The following EFCAB5 variants were observed in gnomAD, a reference collection of about 807,000 sequenced individuals.
The protein encoded by EFCAB5 is EF-hand calcium-binding domain-containing protein 5.
EFCAB5 carries 131 observed loss-of-function variants against 167.9 expected under a neutral mutation model. The observed-to-expected ratio is 0.78, with a 90% confidence interval of 0.68 to 0.90. The LOEUF is 0.90. Among genes scored for constraint, EFCAB5 ranks in the 40% least tolerant of loss-of-function variants. The probability of loss-of-function intolerance (pLI) is 0.00; values close to 1 mark genes in which losing one functional copy is unlikely to be tolerated. For missense variants in EFCAB5, 1,663 were observed against 1,745.2 expected (o/e 0.95, Z 0.84); for synonymous variants, 574 against 602.8 (o/e 0.95, Z 0.70).
chr17:30,068,402 A>T (rs571387107), intron 14 of EFCAB5, among the ~76,000 whole-genome samples: 167 of 152,348 alleles, frequency 1.1e-3, no homozygotes, highest in Middle Eastern at 3.4e-3. Context: ...TAGCTACAAA[A>T]ATAAAAAATA....
intron 14 of EFCAB5, among the ~76,000 whole-genome samples, chr17:30,060,425 AATTCTC>A (rs2070395810): frequency 6.6e-6 from 1 of 152,120 alleles, no homozygotes; most frequent in South Asian, 2.1e-4. Context: ...AAGCCACTAA[AATTCTC>A]ATTCCAGTAT....
At position 29,997,201 on chromosome 17, in the gene EFCAB5, C is replaced by T. The variant is rs560479633; in HGVS notation, c.973+841C>T. Among the ~76,000 whole-genome samples the T allele has an allele frequency of 8.7e-5, 13 of 149,752 alleles. No individual in the cohort carries two copies. The South Asian group carries it at 1.5e-3, about 17-fold the overall frequency. On this transcript the variant is annotated intron_variant, in intron 6 of 22. Transcript: ENST00000394835. ...CGGAGGTTGCAGTGAGCCGAGGTGA[C>T]GCCACTGCACTCCAGCCTGGGTGAC...
At chr17:30,015,860 C>A (rs1485375074) in intron 7 of EFCAB5, among the ~76,000 whole-genome samples, 1 of 151,506 alleles carries the variant, frequency 6.6e-6, no homozygotes, top group African/African-American at 2.4e-5. Flanking sequence ...CTCACTGCAA[C>A]CTCTGCCTCC....
intron 22 of EFCAB5, among the ~76,000 whole-genome samples, chr17:30,103,542 C>G (rs1343153082): frequency 6.6e-6 from 1 of 152,064 alleles, no homozygotes; most frequent in Non-Finnish European, 1.5e-5. Flanking sequence ...CCTCAAACTT[C>G]GATTACTAGA....
intron 3 of EFCAB5, among the ~76,000 whole-genome samples, chr17:29,967,888 CT>C (rs35474839): frequency 0.017 from 2,290 of 134,810 alleles, 29 homozygotes; most frequent in African/African-American, 0.051. Context: ...ATTTCCTCAC[CT>C]TTTTTTTTTT....
chr17:30,069,422 CTTCAAGAGATA>C, intron 14 of EFCAB5: 1 of 1,537,770 alleles, frequency 6.5e-7, no homozygotes, highest in South Asian at 1.1e-5. Flanking sequence ...GATTTCCAGA[CTTCAAGAGATA>C]TTCACGGAAA....
chr17:30,089,107 C>G (rs1029434679), intron 19 of EFCAB5, among the ~76,000 whole-genome samples: 1 of 151,906 alleles, frequency 6.6e-6, no homozygotes, highest in Non-Finnish European at 1.5e-5. Flanking sequence ...CACCCCACGA[C>G]AGGCCCCGGT....
intron 4 of EFCAB5, among the ~76,000 whole-genome samples, chr17:29,978,287 TGA>T (rs2068101691): frequency 6.6e-6 from 1 of 152,230 alleles, no homozygotes; most frequent in Admixed American, 6.5e-5. Context: ...ATGAGTGATG[TGA>T]GTGAATGGAC....
At chr17:29,972,932 G>A (rs1266460121) in intron 4 of EFCAB5, 3 of 156,266 alleles carry the variant, frequency 1.9e-5, no homozygotes, top group African/African-American at 4.8e-5. Context: ...CTTCAGCGAC[G>A]TCCACATCAG....
chr17:30,031,418 A>G (rs1419726332), intron 7 of EFCAB5, among the ~76,000 whole-genome samples: 3 of 152,140 alleles, frequency 2.0e-5, no homozygotes, highest in East Asian at 1.9e-4. Flanking sequence ...TTCTCCTTCT[A>G]AAGTTGTTTA....
chr17:30,034,202 C>A, intron 7 of EFCAB5, 28 bp from the exon 8 acceptor site: 2 of 1,608,098 alleles, frequency 1.2e-6, no homozygotes, highest in South Asian at 1.1e-5. Flanking sequence ...TTAAGTCAAT[C>A]GTTTATCCTC....
At chr17:29,991,783 T>C (rs909947579) in intron 4 of EFCAB5, among the ~76,000 whole-genome samples, 2 of 152,198 alleles carry the variant, frequency 1.3e-5, no homozygotes, top group African/African-American at 4.8e-5. Context: ...TTCAGATGAT[T>C]TCTCTGTCCA....
At chr17:30,090,758 T>C (rs1000136851) in intron 20 of EFCAB5, 84 bp downstream of exon 20, 63 of 1,486,226 alleles carry the variant, frequency 4.2e-5, no homozygotes, top group Non-Finnish European at 4.5e-6. Flanking sequence ...AATATGCACT[T>C]TCTAAAATGA....
intron 14 of EFCAB5, among the ~76,000 whole-genome samples, chr17:30,062,958 C>T (rs1325858599): frequency 6.6e-6 from 1 of 152,184 alleles, no homozygotes; most frequent in African/African-American, 2.4e-5. Context: ...CACCCCCAGC[C>T]CTGAGCTGAA....
At chr17:30,002,460 G>T (rs1041631365) in intron 7 of EFCAB5, among the ~76,000 whole-genome samples, 1 of 152,170 alleles carries the variant, frequency 6.6e-6, no homozygotes, top group Non-Finnish European at 1.5e-5. Flanking sequence ...CATTTTGCCA[G>T]TTCAGGGGAA....
At chr17:30,019,432 C>G (rs1337404553) in intron 7 of EFCAB5, among the ~76,000 whole-genome samples, 1 of 150,526 alleles carries the variant, frequency 6.6e-6, no homozygotes, top group Non-Finnish European at 1.5e-5. Flanking sequence ...TTGAACCATC[C>G]CTCTCTCCCT....
At position 29,994,901 on chromosome 17, in the gene EFCAB5, C is replaced by A. The variant is rs577045113; in HGVS notation, c.925-1411C>A. On this transcript the variant is annotated intron_variant, in intron 5 of 22. Coordinates refer to ENST00000394835, the MANE Select transcript of EFCAB5 (RefSeq NM_198529.4). ...AGAACTGAGGGTCCTGGGAATTTAA[C>A]CATTTCAATGCAGTATTTTTTGCAT... Among the ~76,000 whole-genome samples, 5 of 152,318 alleles carry A rather than the reference C, an allele frequency of 3.3e-5. No individual in the cohort carries two copies. In the South Asian group the frequency reaches 8.3e-4, roughly 25 times the overall value.
At chr17:30,035,800 A>C (rs1221432345) in intron 8 of EFCAB5, among the ~76,000 whole-genome samples, 1 of 152,076 alleles carries the variant, frequency 6.6e-6, no homozygotes, top group Non-Finnish European at 1.5e-5. Flanking sequence ...TTCTGCTTTG[A>C]AGAAACAGCA....
At chr17:30,033,164 C>T (rs545204501) in intron 7 of EFCAB5, among the ~76,000 whole-genome samples, 4 of 152,086 alleles carry the variant, frequency 2.6e-5, no homozygotes, top group East Asian at 1.9e-4. Context: ...CTGCAAGCTC[C>T]GCCTCTCGGG....
Sources: allele counts gnomAD v4.1 joint callset (sites outside exome capture counted in the v4.1 genomes callset), GRCh38; gene constraint gnomAD v4.1.1; transcripts MANE v1.5; gene names NCBI Gene and HGNC (gene_info 2026-07-23, HGNC 2026-07-21).